Variants in PKIB observed in about 807,000 individuals in gnomAD.
PKIB encodes cAMP-dependent protein kinase inhibitor beta, also known as PKI-beta.
Under a neutral mutation model 4.5 loss-of-function variants are expected in PKIB, and 2 were observed. The observed-to-expected ratio is 0.44, with a 90% CI of 0.18 to 1.39. The LOEUF (loss-of-function observed/expected upper bound fraction) is 1.39. PKIB is among the 40% of genes most tolerant of loss of function. The pLI is 0.27. For synonymous variants in PKIB, 38 were observed against 36.0 expected (o/e 1.06, Z -0.20); for missense variants, 94 against 92.6 (o/e 1.02, Z -0.06).
At chr6:122,514,350 C>G (rs887377963) in intron 2 of PKIB, among the ~76,000 whole-genome samples, 2 of 152,218 alleles carry the variant, frequency 1.3e-5, no homozygotes. Flanking sequence ...GTAGTACACA[C>G]AGGTTCCTGG....
intron 2 of PKIB, among the ~76,000 whole-genome samples, chr6:122,577,734 C>T (rs957390120): frequency 1.3e-5 from 2 of 151,604 alleles, no homozygotes; most frequent in Non-Finnish European, 2.9e-5. Flanking sequence ...ACAGTGAAAC[C>T]CCGTCTCTAC....
chr6:122,547,398 C>G (rs961118497), intron 2 of PKIB, among the ~76,000 whole-genome samples: 1 of 152,008 alleles, frequency 6.6e-6, no homozygotes, highest in African/African-American at 2.4e-5. Context: ...TGCAATGGCA[C>G]GATCTCAGCT....
At chr6:122,550,181 C>T (rs1426691365) in intron 2 of PKIB, among the ~76,000 whole-genome samples, 3 of 152,116 alleles carry the variant, frequency 2.0e-5, no homozygotes, top group African/African-American at 7.2e-5. Flanking sequence ...TCCCAGAGTG[C>T]TAGGATTACA....
intron 2 of PKIB, among the ~76,000 whole-genome samples, chr6:122,561,974 G>GT (rs200553259): frequency 0.022 from 1,083 of 48,330 alleles, 23 homozygotes; most frequent in African/African-American, 0.07. Context: ...TGCCTGCATA[G>GT]TTTTTTTTTG....
At chr6:122,665,896 G>T (rs1232236004) in intron 2 of PKIB, among the ~76,000 whole-genome samples, 1 of 152,108 alleles carries the variant, frequency 6.6e-6, no homozygotes, top group African/African-American at 2.4e-5. Context: ...TTTTCCTTCG[G>T]TATAAAGAAT....
chr6:122,707,602 T>A (rs1184924893), intron 3 of PKIB, among the ~76,000 whole-genome samples: 1 of 152,196 alleles, frequency 6.6e-6, no homozygotes, highest in Non-Finnish European at 1.5e-5. Flanking sequence ...GCTTTTTGGC[T>A]ATGCATATTT....
intron 2 of PKIB, among the ~76,000 whole-genome samples, chr6:122,512,968 A>G (rs1562235186): frequency 6.6e-6 from 1 of 152,114 alleles, no homozygotes; most frequent in Non-Finnish European, 1.5e-5. Flanking sequence ...ATTTGTATAT[A>G]TGTATAGGTG....
chr6:122,633,979 T>TATCTATCTATCC (rs1554226658), intron 2 of PKIB, among the ~76,000 whole-genome samples: 4 of 148,496 alleles, frequency 2.7e-5, no homozygotes, highest in African/African-American at 9.9e-5. Context: ...TCTATCCATC[T>TATCTATCTATCC]ATCTATGACA....
At chr6:122,538,170 G>A (rs369139593) in intron 2 of PKIB, among the ~76,000 whole-genome samples, 1 of 151,564 alleles carries the variant, frequency 6.6e-6, no homozygotes, top group African/African-American at 2.4e-5. Context: ...TGTGCAGAAG[G>A]TCTTTAGTTT....
intron 2 of PKIB, among the ~76,000 whole-genome samples, chr6:122,527,610 G>A (rs1267996386): frequency 6.6e-6 from 1 of 152,056 alleles, no homozygotes; most frequent in East Asian, 1.9e-4. Context: ...TTATCAATCA[G>A]TTTCACTGTT....
chr6:122,613,959 C>CAAAAAAAAA (rs67112737), intron 1 of PKIB, among the ~76,000 whole-genome samples: 2 of 77,400 alleles, frequency 2.6e-5, no homozygotes, highest in Non-Finnish European at 4.6e-5. Flanking sequence ...GAGACTCCAT[C>CAAAAAAAAA]AAAAAAAAAA....
chr6:122,531,287 T>C (rs767347494), intron 2 of PKIB: 17 of 152,152 alleles, frequency 1.1e-4, no homozygotes, highest in Admixed American at 2.0e-4. Context: ...CCTTTAGAGA[T>C]TGAAAAATAT....
rs1773761529 is a variant in PKIB, at chr6:122,583,425, A to T, written c.-247-2496A>T. ...CATGGGTAATATGCCAATAAGATAC[A>T]TATTAAAGGTGAGACCTAAAATTCA... On this transcript the variant is annotated intron_variant, in intron 2 of 6. Coordinates refer to the PKIB transcript ENST00000392491. Among the ~76,000 whole-genome samples the T allele has an allele frequency of 1.3e-5, 2 of 152,108 alleles. 1 individual carries two copies. Among genetic ancestry groups the T allele is most frequent in the Non-Finnish European group, 2.9e-5 (2 of 67,990 alleles).
At chr6:122,586,246 G>T (rs1386528645) in intron 3 of PKIB, 1 of 152,050 alleles carries the variant, frequency 6.6e-6, no homozygotes, top group African/African-American at 2.4e-5. Flanking sequence ...ACCAAGGATG[G>T]CATTATCAAA....
chr6:122,482,566 T>TTC (rs1200213148), intron 2 of PKIB: 1 of 133,934 alleles, frequency 7.5e-6, no homozygotes, highest in Non-Finnish European at 1.7e-5. Context: ...TTTTTTTTTT[T>TTC]TGCAGATGGA....
intron 2 of PKIB, among the ~76,000 whole-genome samples, chr6:122,551,577 T>C (rs1320279176): frequency 6.6e-6 from 1 of 152,174 alleles, no homozygotes; most frequent in African/African-American, 2.4e-5. Context: ...GAGCTTTCCT[T>C]TGATTTCCCC....
At chr6:122,591,816 A>G (rs937217406) in intron 3 of PKIB, among the ~76,000 whole-genome samples, 3 of 151,658 alleles carry the variant, frequency 2.0e-5, no homozygotes, top group Non-Finnish European at 4.4e-5. Flanking sequence ...GGCTTAAGCA[A>G]TCGTCCCTCT....
chr6:122,701,488 A>G, intron 3 of PKIB: 1 of 1,596,826 alleles, frequency 6.3e-7, no homozygotes, highest in Non-Finnish European at 8.5e-7. Context: ...ACCTGACAGC[A>G]TGTCACACCA....
intron 2 of PKIB, among the ~76,000 whole-genome samples, chr6:122,545,152 G>A (rs769932029): frequency 6.6e-6 from 1 of 151,922 alleles, no homozygotes; most frequent in Non-Finnish European, 1.5e-5. Flanking sequence ...TATACCCAAA[G>A]GAATACAAAT....
Sources: allele counts gnomAD v4.1 joint callset (sites outside exome capture counted in the v4.1 genomes callset), GRCh38; gene constraint gnomAD v4.1.1; transcripts MANE v1.5; gene names NCBI Gene and HGNC (gene_info 2026-07-23, HGNC 2026-07-21).